The following SAV1 variants were observed in gnomAD, a reference collection of about 807,000 sequenced individuals.
SAV1 encodes salvador family WW domain containing protein 1.
A neutral mutation model predicts 47.3 loss-of-function variants in SAV1; 23 were observed. The observed-to-expected ratio is 0.49, with a 90% CI of 0.35 to 0.69. SAV1 has a LOEUF of 0.69. SAV1 is among the 30% of genes least tolerant of loss of function. The pLI, the probability that SAV1 is intolerant of heterozygous loss-of-function variation, is 0.01. For synonymous variants in SAV1, 155 were observed against 159.2 expected, an observed-to-expected ratio of 0.97 and a Z score of 0.20; for missense variants, 448 against 457.4, an observed-to-expected ratio of 0.98 and a Z score of 0.19.
chr14:50,634,669 AGG>A lies in SAV1; in HGVS notation c.*512_*513del, dbSNP rs1227134939. On this transcript the variant is annotated 3_prime_UTR_variant, in exon 5 of 5. Transcript: ENST00000324679. ...CCCAGCTGGGTTCCTTACTTTGGAG[AGG>A]GGAGACAAACATACATCATATATAA... 1 of 157,604 alleles carries A rather than the reference AGG, an allele frequency of 6.3e-6. No homozygotes were observed. The highest frequency in any genetic ancestry group is 1.9e-4 in the East Asian group (1 of 5,346). The allele number at this position is 157,604 out of a possible 1,614,324, so 9.8% of individuals were successfully genotyped here.
Position 50,665,448 on chromosome 14 carries a change from T to G in SAV1, c.266A>C (p.Glu89Ala), listed in dbSNP as rs1398898954. The change falls in exon 2 of 5, where the codon GAA becomes GCA. Residue 89 changes from glutamate (E) to alanine (A), a missense_variant. Transcript: ENST00000324679. ...AGAAGGTGCAGATAATCTGTTGCTT[T>G]CTCTTCTCATTATTTCATGAGGTGT... Reference protein sequence around the residue: ...QRTPHEIMRRESNRLSAPSYL... With the variant: ...QRTPHEIMRRASNRLSAPSYL... 5.6e-6 allele frequency: 9 copies of G among 1,613,738 alleles called. No individual in the cohort carries two copies. Among genetic ancestry groups the G allele is most frequent in the Non-Finnish European group, 7.6e-6 (9 of 1,179,788 alleles).
chr14:50,647,069 A>G (rs1010820352), intron 2 of SAV1, among the ~76,000 whole-genome samples: 1 of 152,226 alleles, frequency 6.6e-6, no homozygotes, highest in African/African-American at 2.4e-5. Context: ...ATCACAACCT[A>G]TACCTGCCAC....
At chr14:50,642,447 C>G (rs1013728109) in intron 3 of SAV1, among the ~76,000 whole-genome samples, 2 of 151,452 alleles carry the variant, frequency 1.3e-5, no homozygotes, top group Admixed American at 1.3e-4. Flanking sequence ...TGAGATCGCG[C>G]CACTGCACTC....
At chr14:50,654,642 C>A (rs1398495926) in intron 2 of SAV1, among the ~76,000 whole-genome samples, 2 of 152,166 alleles carry the variant, frequency 1.3e-5, no homozygotes, top group African/African-American at 4.8e-5. Flanking sequence ...TGCCACAAAC[C>A]TTCAATTTGT....
chr14:50,668,004 T>A lies in SAV1; in HGVS notation c.-37A>T. The A allele has an allele frequency of 6.8e-7, 1 of 1,480,610 alleles. No individual in the cohort carries two copies. Among genetic ancestry groups the A allele is most frequent in the Non-Finnish European group, 9.1e-7 (1 of 1,104,540 alleles). 91.7% of individuals were successfully genotyped at this position (1,480,610 alleles called of 1,614,324 possible). A position where few individuals can be genotyped will look rare whatever the true frequency, so the allele number is the denominator to read the frequency against. On this transcript the variant is annotated 5_prime_UTR_variant, in exon 1 of 5. Coordinates refer to ENST00000324679, the MANE Select transcript of SAV1 (RefSeq NM_021818.4). ...AGGCCCGAGGCCGCGCTGAACTGCCTCCCTAGGGCTCCGCGCCGGGCGCCG... is the reference window on the plus strand; with the variant it reads ...AGGCCCGAGGCCGCGCTGAACTGCCACCCTAGGGCTCCGCGCCGGGCGCCG...
intron 3 of SAV1, 46 bp downstream of exon 3, chr14:50,644,698 T>G (rs767373591): frequency 6.4e-7 from 1 of 1,561,904 alleles, no homozygotes; most frequent in Admixed American, 1.8e-5. Context: ...AACCTAACAT[T>G]AGACAATCCC....
At chr14:50,647,999 T>C (rs12898086) in intron 2 of SAV1, among the ~76,000 whole-genome samples, 19,437 of 152,292 alleles carry the variant, frequency 0.13, 1,874 homozygotes, top group East Asian at 0.53. Flanking sequence ...TGTGGATATT[T>C]ACAATGACTG....
In SAV1 at chr14:50,644,745, T is replaced by A. The variant is rs778265084; in HGVS notation, c.805A>T (p.Ser269Cys). Residue 269 changes from serine to cysteine, a missense_variant and splice_region_variant, in exon 3 of 5, where the codon AGT becomes TGT. Coordinates refer to ENST00000324679, the MANE Select transcript of SAV1 (RefSeq NM_021818.4). Reference sequence around the variant, plus strand: ...TTGAAAATAAAGTTGATACTGTACCTAGGAGCACAGGGATGCCTGTATTGG... The same window carrying A: ...TTGAAAATAAAGTTGATACTGTACCAAGGAGCACAGGGATGCCTGTATTGG... ...KAQYRHPCAP[S>C]VPRYDQPPPV... 16 of 1,613,056 alleles carry A rather than the reference T, an allele frequency of 9.9e-6. No homozygotes were observed. The highest frequency in any genetic ancestry group is 5.1e-6 in the Non-Finnish European group (6 of 1,179,334).
chr14:50,652,437 T>G (rs2039777017), intron 2 of SAV1, among the ~76,000 whole-genome samples: 1 of 152,086 alleles, frequency 6.6e-6, no homozygotes, highest in African/African-American at 2.4e-5. Flanking sequence ...TATTTCCCCA[T>G]CGAAAGGAAC....
Position 50,638,698 on chromosome 14 carries a change from T to C in SAV1, c.950+2052A>G, listed in dbSNP as rs570409666. 3.9e-5 allele frequency among the ~76,000 whole-genome samples: 6 copies of C among 152,316 alleles called. No individual in the cohort carries two copies. The East Asian group carries it at 1.2e-3, about 29-fold the overall frequency. On this transcript the variant is annotated intron_variant, in intron 4 of 4. Transcript: ENST00000324679. ...ACTGCTGAGGACTAGTGTTTTGGTG[T>C]GTGTGTGAGAAATAACAGAAAGTAA...
chr14:50,645,538 A>G (rs1016664665), intron 2 of SAV1, among the ~76,000 whole-genome samples: 11 of 152,126 alleles, frequency 7.2e-5, no homozygotes, highest in African/African-American at 2.2e-4. Context: ...TCTTCCCAAG[A>G]TATCTTATTA....
intron 2 of SAV1, among the ~76,000 whole-genome samples, chr14:50,656,721 C>T (rs936736741): frequency 1.1e-4 from 16 of 151,880 alleles, no homozygotes; most frequent in African/African-American, 1.2e-4. Flanking sequence ...GGATTACAGG[C>T]GTGAGCCACC....
chr14:50,663,303 A>C (rs1420734962), intron 2 of SAV1: 3 of 152,256 alleles, frequency 2.0e-5, no homozygotes, highest in African/African-American at 2.4e-5. Flanking sequence ...TGCATTTTGC[A>C]AATTTCCTGT....
chr14:50,651,381 A>T (rs1224858398), intron 2 of SAV1, among the ~76,000 whole-genome samples: 1 of 152,112 alleles, frequency 6.6e-6, no homozygotes, highest in Non-Finnish European at 1.5e-5. Flanking sequence ...TTACAGGGGG[A>T]GGAAGGAAAT....
At position 50,667,946 on chromosome 14, in the gene SAV1, T is replaced by C; in HGVS notation, c.22A>G (p.Lys8Glu). 1.2e-6 allele frequency: 2 copies of C among 1,611,886 alleles called. No homozygotes were observed. Among genetic ancestry groups the C allele is most frequent in the East Asian group, 2.2e-5 (1 of 44,718 alleles). The change falls in exon 1 of 5, where the codon AAA becomes GAA. Residue 8 changes from lysine to glutamate, a missense_variant. Lys to Glu is a moderately conservative substitution (Grantham distance 56). Transcript: ENST00000324679. ...TCGGCCGGCTTGGACACTTCGTTTT[T>C]GGTTTTCTTTCGGGACAGCATCCTT... MLSRKKTKNEVSKPAEVQ... is the reference protein window; with the variant it reads MLSRKKTENEVSKPAEVQ...
chr14:50,635,120 C>A lies in SAV1; in HGVS notation c.*63G>T. 1 of 1,267,766 alleles carries A rather than the reference C, an allele frequency of 7.9e-7. No homozygotes were observed. The highest frequency in any genetic ancestry group is 1.3e-5 in the South Asian group (1 of 79,724). 78.5% of individuals were successfully genotyped at this position (1,267,766 alleles called of 1,614,324 possible). A position where few individuals can be genotyped will look rare whatever the true frequency, so the allele number is the denominator to read the frequency against. On this transcript the variant is annotated 3_prime_UTR_variant, in exon 5 of 5. Coordinates refer to ENST00000324679, the MANE Select transcript of SAV1 (RefSeq NM_021818.4). ...ATTTATTAACCAGAGTACTTGTTTG[C>A]AATTTTTTATCTGTGAAAATATTTT...
At position 50,662,031 on chromosome 14, in the gene SAV1, C is replaced by G. The variant is rs115473678; in HGVS notation, c.535+3148G>C. ...CTGGTATTTTAATAGGGATTGCATT[C>G]AATCTGTAGATTACTTTGAGCAACA... On this transcript the variant is annotated intron_variant, in intron 2 of 4. Transcript: ENST00000324679. 6.0e-3 allele frequency among the ~76,000 whole-genome samples: 919 copies of G among 152,270 alleles called. 11 individuals are homozygous for G. The highest frequency in any genetic ancestry group is 0.021 in the African/African-American group (864 of 41,564).
intron 1 of SAV1, chr14:50,667,589 C>T (rs2039913483): frequency 2.0e-6 from 1 of 507,632 alleles, no homozygotes; most frequent in Admixed American, 2.9e-5. Context: ...ACTCTCTCTT[C>T]CAGTAATCAA....
At chr14:50,638,532 C>T (rs1234490469) in intron 4 of SAV1, among the ~76,000 whole-genome samples, 5 of 152,122 alleles carry the variant, frequency 3.3e-5, no homozygotes, top group Non-Finnish European at 5.9e-5. Context: ...CCAGGTATCA[C>T]CATGTAGCCT....
Sources: gnomAD v4.1 joint callset for allele counts (sites outside exome capture counted in the v4.1 genomes callset) on GRCh38, gnomAD v4.1.1 for gene constraint, MANE v1.5 for transcripts, NCBI Gene and HGNC (gene_info 2026-07-23, HGNC 2026-07-21) for gene names.